DHRSX: variants seen among roughly 807,000 people sequenced by gnomAD.
DHRSX encodes polyprenol dehydrogenase.
Under a neutral mutation model 34.0 loss-of-function variants are expected in DHRSX, and 31 were observed. The ratio of observed to expected loss-of-function variants is 0.91; its 90% CI spans 0.69 to 1.23. The LOEUF (loss-of-function observed/expected upper bound fraction) is 1.23, where lower values mean the gene tolerates loss of function less well. Ranked by LOEUF, DHRSX falls within the 50% of genes most tolerant of loss-of-function variation. The pLI is 0.00. For synonymous variants in DHRSX, 201 were observed against 183.8 expected, an observed-to-expected ratio of 1.09 and a Z score of -0.76; for missense variants, 414 against 428.1, an observed-to-expected ratio of 0.97 and a Z score of 0.29.
intron 1 of DHRSX, among the ~76,000 whole-genome samples, chrX:2,446,653 C>A (rs1330307431): frequency 2.0e-5 from 3 of 151,870 alleles, no homozygotes; most frequent in Admixed American, 1.3e-4. Flanking sequence ...CATGTACACA[C>A]TGAAGAAGTT....
intron 1 of DHRSX, among the ~76,000 whole-genome samples, chrX:2,499,893 A>C (rs934271560): frequency 1.3e-5 from 2 of 152,160 alleles, no homozygotes; most frequent in African/African-American, 2.4e-5. Flanking sequence ...ACTTTAAAAC[A>C]TTAGTCGGAT....
At chrX:2,397,884 T>C (rs911736074) in intron 3 of DHRSX, among the ~76,000 whole-genome samples, 48 of 152,088 alleles carry the variant, frequency 3.2e-4, no homozygotes, top group African/African-American at 7.7e-4. Context: ...CTCAGCCTTG[T>C]CGTCTAATGG....
intron 1 of DHRSX, among the ~76,000 whole-genome samples, chrX:2,484,575 A>G (rs2044831384): frequency 6.6e-6 from 1 of 152,170 alleles, no homozygotes; most frequent in Admixed American, 6.5e-5. Flanking sequence ...GTCTGAAGAA[A>G]TGAGCAAAAC....
intron 1 of DHRSX, among the ~76,000 whole-genome samples, chrX:2,428,834 T>G (rs924581041): frequency 3.3e-5 from 5 of 152,156 alleles, no homozygotes; most frequent in Non-Finnish European, 7.3e-5. Context: ...TATAAAATGT[T>G]GTGTCTCCTC....
At chrX:2,414,953 C>T (rs181433391) in intron 2 of DHRSX, among the ~76,000 whole-genome samples, 7,667 of 152,046 alleles carry the variant, frequency 0.05, 242 homozygotes, top group East Asian at 0.12. Flanking sequence ...CCTAACCCAA[C>T]TAGACCTCAT....
At chrX:2,338,277 G>A (rs950895114) in intron 3 of DHRSX, among the ~76,000 whole-genome samples, 4 of 151,712 alleles carry the variant, frequency 2.6e-5, no homozygotes, top group Admixed American at 6.6e-5. Context: ...AGGTTGCGGC[G>A]AGCCGAGACA....
At chrX:2,428,792 C>G (rs1426204704) in intron 1 of DHRSX, among the ~76,000 whole-genome samples, 1 of 152,084 alleles carries the variant, frequency 6.6e-6, no homozygotes, top group Non-Finnish European at 1.5e-5. Context: ...AACAATAAAG[C>G]CTATGCTGCT....
At chrX:2,285,805 C>A (rs1243332687) in intron 4 of DHRSX, among the ~76,000 whole-genome samples, 3 of 152,182 alleles carry the variant, frequency 2.0e-5, no homozygotes, top group Non-Finnish European at 2.9e-5. Flanking sequence ...TTGCACACAA[C>A]GAAGAAGAAT....
At chrX:2,304,582 T>A (rs1239423502) in intron 3 of DHRSX, among the ~76,000 whole-genome samples, 1 of 151,958 alleles carries the variant, frequency 6.6e-6, no homozygotes, top group Non-Finnish European at 1.5e-5. Context: ...TGTTGAAAAG[T>A]GTGTAGCATC....
intron 1 of DHRSX, among the ~76,000 whole-genome samples, chrX:2,454,352 C>T (rs6567497): frequency 0.47 from 70,874 of 151,634 alleles, 19,303 homozygotes; most frequent in African/African-American, 0.75. Flanking sequence ...TATGCTGAAA[C>T]GCTGTGTCTA....
chrX:2,442,042 T>G (rs1206357502), intron 1 of DHRSX, among the ~76,000 whole-genome samples: 3 of 152,158 alleles, frequency 2.0e-5, no homozygotes, highest in African/African-American at 7.2e-5. Context: ...CCACTGTCAA[T>G]CAACATGTAT....
chrX:2,317,675 C>T (rs2042257275), intron 3 of DHRSX, among the ~76,000 whole-genome samples: 1 of 152,058 alleles, frequency 6.6e-6, no homozygotes, highest in Admixed American at 6.6e-5. Context: ...TGATTACATT[C>T]TTGTGAGTCT....
intron 3 of DHRSX, among the ~76,000 whole-genome samples, chrX:2,358,200 C>T (rs1398863509): frequency 6.6e-6 from 1 of 152,122 alleles, no homozygotes; most frequent in African/African-American, 2.4e-5. Flanking sequence ...AGGAAACTAT[C>T]AACAGCGTGA....
intron 1 of DHRSX, among the ~76,000 whole-genome samples, chrX:2,492,677 C>A (rs1260413911): frequency 6.7e-6 from 1 of 149,386 alleles, no homozygotes; most frequent in South Asian, 2.1e-4. Context: ...GAGACAGAGG[C>A]AGAGACTAGA....
chrX:2,258,260 G>GAC (rs753464480), intron 5 of DHRSX, among the ~76,000 whole-genome samples: 39 of 151,470 alleles, frequency 2.6e-4, no homozygotes, highest in Admixed American at 1.9e-3. Flanking sequence ...AGGAGATGAG[G>GAC]ACACACACAC....
chrX:2,443,621 C>A (rs1393540057), intron 1 of DHRSX, among the ~76,000 whole-genome samples: 1 of 152,072 alleles, frequency 6.6e-6, no homozygotes, highest in Non-Finnish European at 1.5e-5. Context: ...ACATGCTGGG[C>A]ACCGTTACAC....
intron 2 of DHRSX, among the ~76,000 whole-genome samples, chrX:2,416,778 T>A (rs1379297538): frequency 6.6e-6 from 1 of 152,208 alleles, no homozygotes; most frequent in Admixed American, 6.5e-5. Context: ...GATATATGTG[T>A]CTAGTAATAT....
chrX:2,459,119 T>C (rs1338376084), intron 1 of DHRSX, among the ~76,000 whole-genome samples: 2 of 151,994 alleles, frequency 1.3e-5, no homozygotes, highest in Non-Finnish European at 2.9e-5. Context: ...GCCTGGGTGA[T>C]AGAGGGTGAG....
intron 5 of DHRSX, among the ~76,000 whole-genome samples, chrX:2,246,601 C>T (rs923985705): frequency 1.4e-5 from 2 of 147,538 alleles, no homozygotes; most frequent in Admixed American, 1.4e-4. Context: ...CCAGCCTGGG[C>T]AACAGAGTGA....
Sources: allele counts gnomAD v4.1 joint callset (sites outside exome capture counted in the v4.1 genomes callset), GRCh38; gene constraint gnomAD v4.1.1; transcripts MANE v1.5; gene names NCBI Gene and HGNC (gene_info 2026-07-23, HGNC 2026-07-21).